The following CNTNAP2 variants were observed in gnomAD, a reference collection of about 807,000 sequenced individuals.
CNTNAP2 encodes the protein contactin associated protein 2, also known as contactin-associated protein-like 2.
Under a neutral mutation model 155.2 loss-of-function variants are expected in CNTNAP2, and 98 were observed. That is an observed-to-expected ratio of 0.63 (90% confidence interval 0.54 to 0.75). The LOEUF is 0.75. Among genes scored for constraint, CNTNAP2 ranks in the 30% least tolerant of loss-of-function variants. The pLI, the probability that CNTNAP2 is intolerant of heterozygous loss-of-function variation, is 0.00. For synonymous variants in CNTNAP2, 651 were observed against 631.2 expected, an observed-to-expected ratio of 1.03 and a Z score of -0.47; for missense variants, 1,727 against 1,688.1, an observed-to-expected ratio of 1.02 and a Z score of -0.40.
At chr7:148,409,284 T>A in intron 22 of CNTNAP2, 107 bp from the exon 23 acceptor site, 1 of 889,448 alleles carries the variant, frequency 1.1e-6, no homozygotes, top group Non-Finnish European at 1.9e-6. Context: ...GAGATTTCAT[T>A]TGGGAAAACA....
intron 9 of CNTNAP2, among the ~76,000 whole-genome samples, chr7:147,305,922 C>A (rs1028400127): frequency 1.9e-4 from 29 of 152,120 alleles, no homozygotes; most frequent in Non-Finnish European, 4.4e-5. Flanking sequence ...TATTCTCTGG[C>A]TTATAGATAC....
At chr7:146,581,127 G>A (rs947044142) in intron 1 of CNTNAP2, among the ~76,000 whole-genome samples, 15 of 152,038 alleles carry the variant, frequency 9.9e-5, no homozygotes, top group Non-Finnish European at 2.2e-4. Flanking sequence ...TTTAATCAAT[G>A]CCACAAAACA....
chr7:146,414,607 C>T (rs1457114726), intron 1 of CNTNAP2, among the ~76,000 whole-genome samples: 1 of 151,992 alleles, frequency 6.6e-6, no homozygotes, highest in Admixed American at 6.6e-5. Context: ...ATTGTTATTT[C>T]GAGTTCCTAC....
At chr7:146,396,815 A>G (rs975460311) in intron 1 of CNTNAP2, among the ~76,000 whole-genome samples, 3 of 151,880 alleles carry the variant, frequency 2.0e-5, no homozygotes, top group East Asian at 1.9e-4. Flanking sequence ...AATATATATT[A>G]GGTAACTGAA....
Position 147,097,773 on chromosome 7 carries a change from A to T in CNTNAP2, c.551-10374A>T, listed in dbSNP as rs572020961. Among the ~76,000 whole-genome samples the T allele has an allele frequency of 2.6e-5, 4 of 152,344 alleles. No homozygotes were observed. In the East Asian group the frequency reaches 7.7e-4, roughly 29 times the overall value. On this transcript the variant is annotated intron_variant, in intron 4 of 23. Transcript: ENST00000361727. ...ATAGCTAAAGAAGTAACAAACTAAG[A>T]TTCTGTGTAAAAATTAAGATGGTGG...
At chr7:146,576,054 G>C (rs1206196075) in intron 1 of CNTNAP2, among the ~76,000 whole-genome samples, 1 of 152,146 alleles carries the variant, frequency 6.6e-6, no homozygotes, top group African/African-American at 2.4e-5. Flanking sequence ...ACCAACATCT[G>C]TTTGTAATTT....
At chr7:147,205,321 C>T (rs1186536222) in intron 8 of CNTNAP2, among the ~76,000 whole-genome samples, 3 of 152,018 alleles carry the variant, frequency 2.0e-5, no homozygotes, top group Non-Finnish European at 4.4e-5. Context: ...TCTTTTTGCT[C>T]AGGGTTGCTT....
intron 15 of CNTNAP2, among the ~76,000 whole-genome samples, chr7:147,985,611 T>C (rs1032678574): frequency 7.2e-5 from 11 of 152,074 alleles, no homozygotes; most frequent in African/African-American, 2.7e-4. Flanking sequence ...TGCACCCCTC[T>C]TTTTGACAAG....
At chr7:147,189,440 G>A (rs1802633931) in intron 8 of CNTNAP2, among the ~76,000 whole-genome samples, 1 of 152,098 alleles carries the variant, frequency 6.6e-6, no homozygotes, top group African/African-American at 2.4e-5. Context: ...ACAATGTACA[G>A]ATAGGGTAAT....
intron 1 of CNTNAP2, among the ~76,000 whole-genome samples, chr7:146,439,511 T>G (rs1796290124): frequency 6.6e-6 from 1 of 151,558 alleles, no homozygotes; most frequent in Admixed American, 6.6e-5. Flanking sequence ...TAATCATTAC[T>G]TCAAAGTAGA....
In CNTNAP2 at chr7:146,946,176, C is replaced by G. The variant is rs78755194; in HGVS notation, c.403-97731C>G. Among the ~76,000 whole-genome samples, 214 of 150,996 alleles carry G rather than the reference C, an allele frequency of 1.4e-3. 5 individuals carry two copies. In the East Asian group the frequency reaches 0.029, roughly 20 times the overall value. On this transcript the variant is annotated intron_variant, in intron 3 of 23. Coordinates refer to ENST00000361727, the MANE Select transcript of CNTNAP2 (RefSeq NM_014141.6). ...CTTCCTTCCTCCCTTTTCTTTCTCT[C>G]TCTCTCTCTGCTTCAAATACACTTT...
intron 8 of CNTNAP2, among the ~76,000 whole-genome samples, chr7:147,193,034 A>G (rs1040306550): frequency 1.3e-5 from 2 of 152,158 alleles, no homozygotes; most frequent in African/African-American, 4.8e-5. Context: ...TAGCTGGACA[A>G]CCTGGGTTGT....
intron 17 of CNTNAP2, among the ~76,000 whole-genome samples, chr7:148,152,288 G>A (rs1805310785): frequency 6.6e-6 from 1 of 151,896 alleles, no homozygotes; most frequent in African/African-American, 2.4e-5. Context: ...AATTTGGTGG[G>A]CAGGGGGCTA....
intron 15 of CNTNAP2, among the ~76,000 whole-genome samples, chr7:148,031,104 G>A (rs758349384): frequency 6.6e-6 from 1 of 152,094 alleles, no homozygotes. Context: ...GATGTGATTA[G>A]GCCATCTGCA....
intron 1 of CNTNAP2, among the ~76,000 whole-genome samples, chr7:146,475,214 C>T (rs1796860701): frequency 6.6e-6 from 1 of 152,084 alleles, no homozygotes; most frequent in African/African-American, 2.4e-5. Flanking sequence ...TGTTTTCTAG[C>T]TGTTCTTAGC....
At chr7:148,351,741 T>G (rs1163886232) in intron 21 of CNTNAP2, among the ~76,000 whole-genome samples, 1 of 17,818 alleles carries the variant, frequency 5.6e-5, no homozygotes, top group Non-Finnish European at 1.1e-4. Flanking sequence ...AGACTCTGTC[T>G]CACAAAAAAA....
intron 10 of CNTNAP2, among the ~76,000 whole-genome samples, chr7:147,417,287 T>C (rs1022510481): frequency 2.6e-5 from 4 of 152,200 alleles, no homozygotes; most frequent in African/African-American, 9.6e-5. Context: ...CTCGCAGTTG[T>C]GGAGGCTGGG....
At chr7:147,905,191 A>G (rs1343027926) in intron 14 of CNTNAP2, among the ~76,000 whole-genome samples, 2 of 152,210 alleles carry the variant, frequency 1.3e-5, no homozygotes, top group African/African-American at 4.8e-5. Flanking sequence ...TTCTTAAGCC[A>G]GGCAGACCTT....
intron 21 of CNTNAP2, among the ~76,000 whole-genome samples, chr7:148,308,928 A>C (rs954723124): frequency 2.0e-5 from 3 of 152,142 alleles, no homozygotes; most frequent in African/African-American, 7.2e-5. Flanking sequence ...ATGGCTGCAT[A>C]GTGTTCCATG....
Sources: gnomAD v4.1 joint callset for allele counts (sites outside exome capture counted in the v4.1 genomes callset) on GRCh38, gnomAD v4.1.1 for gene constraint, MANE v1.5 for transcripts, NCBI Gene and HGNC (gene_info 2026-07-23, HGNC 2026-07-21) for gene names.